DPP6: variants seen among roughly 807,000 people sequenced by gnomAD.
The protein encoded by DPP6 is dipeptidyl peptidase like 6, also known as A-type potassium channel modulatory protein DPP6.
Under a neutral mutation model 122.6 loss-of-function variants are expected in DPP6, and 69 were observed. The observed-to-expected ratio is 0.56, with a 90% CI of 0.46 to 0.69. DPP6 has a LOEUF of 0.69. Ranked by LOEUF, DPP6 falls within the 30% of genes least tolerant of loss-of-function variation. The pLI is 0.00. For missense variants in DPP6, 928 were observed against 1,116.9 expected (o/e 0.83, Z 2.41); for synonymous variants, 418 against 433.1 (o/e 0.97, Z 0.43).
At chr7:153,762,420 A>G in the DPP6 span, among the ~76,000 whole-genome samples, 2 of 152,276 alleles carry the variant, frequency 1.3e-5, no homozygotes, top group Non-Finnish European at 2.9e-5. Context: ...CCAATTGGAC[A>G]TCTGTGTAAT....
At chr7:154,717,757 C>G (rs1485892753) in intron 7 of DPP6, among the ~76,000 whole-genome samples, 1 of 152,114 alleles carries the variant, frequency 6.6e-6, no homozygotes, top group East Asian at 1.9e-4. Flanking sequence ...GGATGTCTAC[C>G]CAGTATACAA....
At chr7:154,557,441 G>A (rs115372349) in intron 4 of DPP6, among the ~76,000 whole-genome samples, 187 of 152,246 alleles carry the variant, frequency 1.2e-3, no homozygotes, top group African/African-American at 4.4e-3. Flanking sequence ...TGCCACTCTT[G>A]TAACAGCTGA....
At chr7:154,558,104 C>A (rs1830170234) in intron 4 of DPP6, among the ~76,000 whole-genome samples, 1 of 151,422 alleles carries the variant, frequency 6.6e-6, no homozygotes, top group African/African-American at 2.4e-5. Flanking sequence ...CTTTACCCCT[C>A]CACCCCCCCA....
At chr7:154,377,029 A>G (rs1401496899) in intron 1 of DPP6, among the ~76,000 whole-genome samples, 1 of 152,140 alleles carries the variant, frequency 6.6e-6, no homozygotes, top group African/African-American at 2.4e-5. Flanking sequence ...CAAATTAATA[A>G]TAATAATAAA....
At chr7:154,471,545 G>A (rs60751391) in intron 2 of DPP6, among the ~76,000 whole-genome samples, 3,375 of 151,542 alleles carry the variant, frequency 0.022, 127 homozygotes, top group African/African-American at 0.079. Context: ...TGGGGGAAAG[G>A]GCTCCAGCCT....
chr7:154,463,211 T>C (rs1309586343), intron 2 of DPP6, among the ~76,000 whole-genome samples: 12 of 133,098 alleles, frequency 9.0e-5, no homozygotes, highest in Non-Finnish European at 1.6e-5. Context: ...TTTTTTTTTT[T>C]TTTTTTTTTT....
intron 6 of DPP6, among the ~76,000 whole-genome samples, chr7:154,651,576 C>T (rs1350151699): frequency 2.6e-5 from 4 of 152,090 alleles, no homozygotes; most frequent in South Asian, 2.1e-4. Context: ...TGCAGTGCCG[C>T]GGGGCCCTAA....
chr7:154,206,555 T>G (rs560470883), intron 1 of DPP6, among the ~76,000 whole-genome samples: 1 of 152,330 alleles, frequency 6.6e-6, no homozygotes, highest in South Asian at 2.1e-4. Context: ...GCTGAGTCAC[T>G]TGACCTTTCT....
chr7:154,666,663 C>A (rs1280289320), intron 6 of DPP6, among the ~76,000 whole-genome samples: 1 of 152,158 alleles, frequency 6.6e-6, no homozygotes, highest in Non-Finnish European at 1.5e-5. Context: ...CCCTCCCACT[C>A]CCAGCCTCTG....
At chr7:153,960,840 G>A (rs1396971079) in intron 1 of DPP6, among the ~76,000 whole-genome samples, 13 of 150,774 alleles carry the variant, frequency 8.6e-5, no homozygotes, top group Admixed American at 4.0e-4. Flanking sequence ...ACTGCCTGAG[G>A]ACATGAGTAC....
intron 4 of DPP6, among the ~76,000 whole-genome samples, chr7:154,555,878 TA>T (rs1186958291): frequency 4.6e-5 from 7 of 151,846 alleles, no homozygotes; most frequent in East Asian, 3.9e-4. Flanking sequence ...TTGAAAACAT[TA>T]AAAAAATTGT....
intron 17 of DPP6, 106 bp downstream of exon 17, chr7:154,853,933 G>C: frequency 1.4e-6 from 2 of 1,448,796 alleles, no homozygotes; most frequent in Non-Finnish European, 9.5e-7. Flanking sequence ...GAGACAGAGG[G>C]ATGAGTCATG....
intron 1 of DPP6, among the ~76,000 whole-genome samples, chr7:153,955,713 A>T (rs1802428410): frequency 6.6e-6 from 1 of 152,226 alleles, no homozygotes; most frequent in Admixed American, 6.5e-5. Flanking sequence ...TGCTGGGATT[A>T]CAGGCGTGAG....
intron 1 of DPP6, among the ~76,000 whole-genome samples, chr7:154,384,550 A>G (rs1441954056): frequency 1.3e-5 from 2 of 152,064 alleles, no homozygotes; most frequent in Non-Finnish European, 2.9e-5. Context: ...GATGAGGGTG[A>G]GATCTCGAAA....
At chr7:154,061,893 G>C (rs76088947) in intron 1 of DPP6, among the ~76,000 whole-genome samples, 4,346 of 92,286 alleles carry the variant, frequency 0.047, 461 homozygotes, top group Admixed American at 0.078. Flanking sequence ...GGACTGAGAG[G>C]CAATCCCTCT....
At chr7:154,397,145 A>G (rs1815160550) in intron 1 of DPP6, among the ~76,000 whole-genome samples, 1 of 150,126 alleles carries the variant, frequency 6.7e-6, no homozygotes, top group African/African-American at 2.4e-5. Context: ...TTATAATATA[A>G]ATTAGATTTA....
intron 2 of DPP6, among the ~76,000 whole-genome samples, chr7:154,460,948 TTCTAAC>T (rs2151316932): frequency 6.6e-6 from 1 of 152,244 alleles, no homozygotes; most frequent in South Asian, 2.1e-4. Flanking sequence ...ATCTTACTCT[TTCTAAC>T]TCTATTTTTG....
chr7:154,726,754 A>G (rs758520068), intron 7 of DPP6, among the ~76,000 whole-genome samples: 12 of 152,188 alleles, frequency 7.9e-5, no homozygotes, highest in Admixed American at 4.6e-4. Flanking sequence ...CTTCTACCAC[A>G]TAGTCGGACT....
At position 154,893,886 on chromosome 7, in the gene DPP6, T is replaced by C. The variant is rs1411199490; in HGVS notation, c.*1406T>C. 5 of 152,236 alleles carry C rather than the reference T, an allele frequency of 3.3e-5. No individual in the cohort carries two copies. The highest frequency in any genetic ancestry group is 7.3e-5 in the Non-Finnish European group (5 of 68,042). 9.4% of individuals were successfully genotyped at this position (152,236 alleles called of 1,614,324 possible). A position where few individuals can be genotyped will look rare whatever the true frequency, so the allele number is the denominator to read the frequency against. On this transcript the variant is annotated 3_prime_UTR_variant, in exon 26 of 26. Transcript: ENST00000377770. The stretch of plus-strand genomic sequence containing the variant: ...CTTTTGAGCTTGTGGACAAGCTGAA[T>C]GTCAGGACTGACTTCGCCAGCTCCC...
Sources: allele counts gnomAD v4.1 joint callset (sites outside exome capture counted in the v4.1 genomes callset), GRCh38; gene constraint gnomAD v4.1.1; transcripts MANE v1.5; gene names NCBI Gene and HGNC (gene_info 2026-07-23, HGNC 2026-07-21).